TMEM196: variants seen among roughly 807,000 people sequenced by gnomAD.
TMEM196 encodes the protein transmembrane protein 196.
In TMEM196, 17 loss-of-function variants were observed where a neutral mutation model predicts 20.0. That is an observed-to-expected ratio of 0.85 (90% CI 0.58 to 1.27). The LOEUF is 1.27. Ranked by LOEUF, TMEM196 falls within the 50% of genes most tolerant of loss-of-function variation. TMEM196 has a pLI of 0.00. For missense variants in TMEM196, 267 were observed against 223.0 expected, an observed-to-expected ratio of 1.20 and a Z score of -1.26; for synonymous variants, 113 against 88.9, an observed-to-expected ratio of 1.27 and a Z score of -1.52.
chr7:19,726,379 T>C (rs1784000239), intron 2 of TMEM196, among the ~76,000 whole-genome samples: 1 of 152,164 alleles, frequency 6.6e-6, no homozygotes, highest in Non-Finnish European at 1.5e-5. Context: ...GAAATTTAGT[T>C]AAATCTCTTT....
intron 4 of TMEM196, among the ~76,000 whole-genome samples, chr7:19,722,438 G>A (rs1783845496): frequency 6.6e-6 from 1 of 152,062 alleles, no homozygotes; most frequent in African/African-American, 2.4e-5. Flanking sequence ...ACCTCACCTA[G>A]AAAGAAGAAG....
intron 1 of TMEM196, among the ~76,000 whole-genome samples, chr7:19,732,633 T>A (rs7456692): frequency 4.7e-5 from 7 of 148,342 alleles, no homozygotes; most frequent in Non-Finnish European, 8.9e-5. Context: ...TTTTTTTTTT[T>A]TGTGTGTGTT....
intron 1 of TMEM196, among the ~76,000 whole-genome samples, chr7:19,759,628 A>C (rs2128036472): frequency 6.6e-6 from 1 of 152,144 alleles, no homozygotes; most frequent in African/African-American, 2.4e-5. Context: ...TACACCAGAC[A>C]CACACACATG....
intron 1 of TMEM196, among the ~76,000 whole-genome samples, chr7:19,751,932 C>T (rs1785004242): frequency 6.6e-6 from 1 of 152,112 alleles, no homozygotes; most frequent in African/African-American, 2.4e-5. Flanking sequence ...GGCCCTAATA[C>T]ACTAAGCTAC....
chr7:19,745,002 A>G (rs1050486476), intron 1 of TMEM196, among the ~76,000 whole-genome samples: 6 of 152,098 alleles, frequency 3.9e-5, no homozygotes, highest in Admixed American at 3.3e-4. Context: ...TCATCTCTCC[A>G]TATGTGCAGG....
intron 1 of TMEM196, among the ~76,000 whole-genome samples, chr7:19,745,728 A>G (rs1784726923): frequency 6.8e-6 from 1 of 147,792 alleles, no homozygotes; most frequent in South Asian, 2.3e-4. Flanking sequence ...TCCATCCCAC[A>G]TCCTGTTGGA....
chr7:19,748,953 A>C (rs1055638423), intron 1 of TMEM196, among the ~76,000 whole-genome samples: 12 of 152,246 alleles, frequency 7.9e-5, no homozygotes, highest in Non-Finnish European at 1.5e-4. Context: ...AAATATTGGA[A>C]TATAACATTT....
chr7:19,748,281 A>C (rs891322344), intron 1 of TMEM196, among the ~76,000 whole-genome samples: 5 of 150,324 alleles, frequency 3.3e-5, no homozygotes, highest in South Asian at 2.1e-4. Flanking sequence ...AAAAAAAAAA[A>C]AAAAAAAAAA....
intron 1 of TMEM196, among the ~76,000 whole-genome samples, chr7:19,743,058 T>A (rs1446856069): frequency 6.6e-6 from 1 of 152,208 alleles, no homozygotes; most frequent in Non-Finnish European, 1.5e-5. Context: ...CTAGATCCTG[T>A]TGACCTTTTA....
intron 1 of TMEM196, among the ~76,000 whole-genome samples, chr7:19,749,426 G>T (rs866086287): frequency 6.6e-6 from 1 of 152,164 alleles, no homozygotes; most frequent in Non-Finnish European, 1.5e-5. Context: ...CACAAAATTA[G>T]TATCCAAGTG....
At chr7:19,750,704 C>A (rs1157338794) in intron 1 of TMEM196, among the ~76,000 whole-genome samples, 4 of 152,034 alleles carry the variant, frequency 2.6e-5, no homozygotes, top group Non-Finnish European at 5.9e-5. Context: ...CAATTTATTT[C>A]CTTTATAGGC....
chr7:19,728,018 G>C (rs1264129593), intron 2 of TMEM196, among the ~76,000 whole-genome samples: 2 of 152,036 alleles, frequency 1.3e-5, no homozygotes, highest in Non-Finnish European at 1.5e-5. Context: ...CCTTCTAATA[G>C]TAGGTACAGC....
chr7:19,753,640 G>C (rs17355477), intron 1 of TMEM196, among the ~76,000 whole-genome samples: 3,898 of 152,108 alleles, frequency 0.026, 85 homozygotes, highest in South Asian at 0.066. Context: ...CTATTCCCTA[G>C]GTGATTATTC....
In TMEM196 at chr7:19,721,936, A is replaced by C; in HGVS notation, c.*192T>G. The stretch of plus-strand genomic sequence containing the variant: ...AGGGTGGAGAAACCAGTGAGGCAAT[A>C]TATTTTTTAGGAAGAATAATTTTAG... On this transcript the variant is annotated 3_prime_UTR_variant, in exon 5 of 5. Coordinates refer to ENST00000405844, the MANE Select transcript of TMEM196 (RefSeq NM_001363562.2). 1 of 729,568 alleles carries C rather than the reference A, an allele frequency of 1.4e-6. No homozygotes were observed. The highest frequency in any genetic ancestry group is 2.2e-6 in the Non-Finnish European group (1 of 456,522). The allele number at this position is 729,568 out of a possible 1,614,324, so 45.2% of individuals were successfully genotyped here. A position where few individuals can be genotyped will look rare whatever the true frequency, so the allele number is the denominator to read the frequency against.
chr7:19,762,028 A>G (rs767788628), intron 1 of TMEM196, among the ~76,000 whole-genome samples: 8 of 152,252 alleles, frequency 5.3e-5, no homozygotes, highest in Non-Finnish European at 1.0e-4. Flanking sequence ...TATCTCTTGA[A>G]TATTTTGAGC....
At chr7:19,744,437 A>C (rs1439272765) in intron 1 of TMEM196, among the ~76,000 whole-genome samples, 1 of 152,194 alleles carries the variant, frequency 6.6e-6, no homozygotes, top group African/African-American at 2.4e-5. Flanking sequence ...TAAGCCTGAC[A>C]GATTTTCTGT....
In TMEM196 at chr7:19,739,629, G is replaced by C. The variant is rs1164421091; in HGVS notation, c.148-10191C>G. ...TAAGCAAAAGACTAATTTCCCTAAT[G>C]TAAATGAACTCCTAAAAACTAATAA... is the stretch of plus-strand genomic sequence containing the variant. On this transcript the variant is annotated intron_variant, in intron 1 of 4. Coordinates refer to ENST00000405844, the MANE Select transcript of TMEM196 (RefSeq NM_001363562.2). Among the ~76,000 whole-genome samples, 3 of 152,006 alleles carry C rather than the reference G, an allele frequency of 2.0e-5. No homozygotes were observed. In the East Asian group the frequency reaches 5.8e-4, roughly 29 times the overall value.
chr7:19,769,589 C>A (rs1436415137), intron 1 of TMEM196, among the ~76,000 whole-genome samples: 1 of 152,094 alleles, frequency 6.6e-6, no homozygotes, highest in East Asian at 1.9e-4. Context: ...CTCATATTTA[C>A]TCAGTGCTTA....
chr7:19,730,229 C>T (rs1245589555), intron 1 of TMEM196, among the ~76,000 whole-genome samples: 1 of 149,540 alleles, frequency 6.7e-6, no homozygotes, highest in Non-Finnish European at 1.5e-5. Context: ...GCATTCCAGC[C>T]TGGGTGACGG....
Sources: gnomAD v4.1 joint callset for allele counts (sites outside exome capture counted in the v4.1 genomes callset) on GRCh38, gnomAD v4.1.1 for gene constraint, MANE v1.5 for transcripts, NCBI Gene and HGNC (gene_info 2026-07-23, HGNC 2026-07-21) for gene names.